ASIC2: variants seen among roughly 807,000 people sequenced by gnomAD.
ASIC2 encodes the protein acid-sensing ion channel 2.
ASIC2 carries 25 observed loss-of-function variants against 57.3 expected under a neutral mutation model. The observed-to-expected ratio is 0.44, with a 90% CI of 0.32 to 0.61. The LOEUF (loss-of-function observed/expected upper bound fraction) is 0.61, where lower values mean the gene tolerates loss of function less well. Among genes scored for constraint, ASIC2 ranks in the 20% least tolerant of loss-of-function variants. The pLI is 0.06. For missense variants in ASIC2, 641 were observed against 738.1 expected (o/e 0.87, Z 1.52); for synonymous variants, 319 against 307.5 (o/e 1.04, Z -0.39).
chr17:33,573,701 G>A (rs949155651), intron 1 of ASIC2, among the ~76,000 whole-genome samples: 20 of 152,112 alleles, frequency 1.3e-4, no homozygotes, highest in Non-Finnish European at 2.8e-4. Context: ...GAGTAGCTGG[G>A]ACTACAGGTG....
chr17:33,996,676 G>T (rs1442794593), intron 1 of ASIC2, among the ~76,000 whole-genome samples: 1 of 152,038 alleles, frequency 6.6e-6, no homozygotes, highest in African/African-American at 2.4e-5. Flanking sequence ...AAAATGCAGA[G>T]GTTTATTTTG....
intron 1 of ASIC2, among the ~76,000 whole-genome samples, chr17:34,049,179 G>A (rs1487093038): frequency 6.6e-6 from 1 of 151,802 alleles, no homozygotes; most frequent in Non-Finnish European, 1.5e-5. Context: ...GTGGTCCCAG[G>A]TGCTGAGGAG....
At chr17:33,921,847 C>T (rs1915715161) in intron 1 of ASIC2, among the ~76,000 whole-genome samples, 1 of 152,122 alleles carries the variant, frequency 6.6e-6, no homozygotes, top group Non-Finnish European at 1.5e-5. Context: ...GGAATTTTCC[C>T]AGGAGAAGGA....
chr17:33,776,746 C>A (rs56961059), intron 1 of ASIC2, among the ~76,000 whole-genome samples: 11,814 of 152,188 alleles, frequency 0.078, 523 homozygotes, highest in East Asian at 0.22. Flanking sequence ...TTTTTCACAC[C>A]CTCGCTCTGT....
Position 33,186,528 on chromosome 17 carries a change from C to T in ASIC2, c.709-74461G>A, listed in dbSNP as rs567277671. On this transcript the variant is annotated intron_variant, in intron 1 of 9. Transcript: ENST00000225823. Reference sequence around the variant, plus strand: ...AATGATGTTAGACAAAAAGTAAATTCGAGAGATTTTCTTATTTAAGCTCAC... The same window carrying T: ...AATGATGTTAGACAAAAAGTAAATTTGAGAGATTTTCTTATTTAAGCTCAC... 2.0e-5 allele frequency among the ~76,000 whole-genome samples: 3 copies of T among 152,228 alleles called. No homozygotes were observed. In the South Asian group the frequency reaches 6.2e-4, roughly 32 times the overall value.
chr17:33,536,216 T>G (rs1915224892), intron 1 of ASIC2, among the ~76,000 whole-genome samples: 1 of 152,162 alleles, frequency 6.6e-6, no homozygotes, highest in Non-Finnish European at 1.5e-5. Context: ...TCTCAGTAAA[T>G]GGCACTAGCA....
At chr17:33,212,850 A>C (rs1038483814) in intron 1 of ASIC2, among the ~76,000 whole-genome samples, 1 of 152,192 alleles carries the variant, frequency 6.6e-6, no homozygotes, top group Non-Finnish European at 1.5e-5. Context: ...TGATGGAAGA[A>C]AAGGAGGTAA....
intron 1 of ASIC2, among the ~76,000 whole-genome samples, chr17:33,970,952 A>G (rs71379439): frequency 2.9e-3 from 442 of 152,286 alleles, no homozygotes; most frequent in Non-Finnish European, 4.9e-3. Context: ...CAAAAGAGGT[A>G]GCCAGCCTGC....
At chr17:33,111,808 C>G (rs1259642274) in intron 2 of ASIC2, 109 bp downstream of exon 2, 1 of 1,445,080 alleles carries the variant, frequency 6.9e-7, no homozygotes, top group African/African-American at 1.4e-5. Flanking sequence ...AAACCCCTTG[C>G]TGGAGAGCAG....
intron 3 of ASIC2, among the ~76,000 whole-genome samples, chr17:33,059,235 T>C (rs986804532): frequency 6.6e-6 from 1 of 152,214 alleles, no homozygotes; most frequent in Non-Finnish European, 1.5e-5. Context: ...TGTATACATG[T>C]GCCATGTTGG....
chr17:33,142,624 C>T (rs1225872346), intron 1 of ASIC2, among the ~76,000 whole-genome samples: 1 of 152,162 alleles, frequency 6.6e-6, no homozygotes. Flanking sequence ...GGCTCTGGGG[C>T]ATATGGTTCT....
intron 1 of ASIC2, among the ~76,000 whole-genome samples, chr17:33,670,299 C>T (rs1907604099): frequency 6.6e-6 from 1 of 152,174 alleles, no homozygotes; most frequent in Non-Finnish European, 1.5e-5. Flanking sequence ...TACCCACCAG[C>T]CATGCTGCTA....
chr17:33,549,026 T>C (rs1915666831), intron 1 of ASIC2, among the ~76,000 whole-genome samples: 2 of 152,166 alleles, frequency 1.3e-5, no homozygotes, highest in African/African-American at 4.8e-5. Flanking sequence ...GTTCACTTGT[T>C]TTGTCTGTTT....
At chr17:33,087,270 A>G (rs933109421) in intron 3 of ASIC2, among the ~76,000 whole-genome samples, 1 of 152,030 alleles carries the variant, frequency 6.6e-6, no homozygotes, top group Non-Finnish European at 1.5e-5. Context: ...CTTTGTCCTC[A>G]AGGATATATT....
chr17:33,980,387 C>G (rs1329056266), intron 1 of ASIC2, among the ~76,000 whole-genome samples: 1 of 152,112 alleles, frequency 6.6e-6, no homozygotes, highest in African/African-American at 2.4e-5. Context: ...AGCTTAGACA[C>G]TTAGACATCT....
At chr17:33,451,619 A>G (rs554447351) in intron 1 of ASIC2, among the ~76,000 whole-genome samples, 2 of 152,274 alleles carry the variant, frequency 1.3e-5, no homozygotes, top group Admixed American at 6.5e-5. Flanking sequence ...CAACCATTGC[A>G]GTTGCCTTCT....
At chr17:33,925,352 G>A (rs572684132) in intron 1 of ASIC2, among the ~76,000 whole-genome samples, 10 of 152,316 alleles carry the variant, frequency 6.6e-5, no homozygotes, top group Admixed American at 6.5e-4. Context: ...GAAGGCCAAT[G>A]GTAACCCAGA....
chr17:33,422,889 A>G (rs563606034), intron 1 of ASIC2, among the ~76,000 whole-genome samples: 23 of 152,258 alleles, frequency 1.5e-4, no homozygotes, highest in African/African-American at 5.3e-4. Flanking sequence ...CAGTGGTAGG[A>G]ACTGAGACTA....
chr17:33,254,934 G>A (rs1397171916), intron 1 of ASIC2, among the ~76,000 whole-genome samples: 2 of 150,686 alleles, frequency 1.3e-5, no homozygotes, highest in Non-Finnish European at 1.5e-5. Context: ...GAGTTCTATG[G>A]AATTTTTATT....
Sources: allele counts gnomAD v4.1 joint callset (sites outside exome capture counted in the v4.1 genomes callset), GRCh38; gene constraint gnomAD v4.1.1; transcripts MANE v1.5; gene names NCBI Gene and HGNC (gene_info 2026-07-23, HGNC 2026-07-21).